Variants in ZNF45 observed in about 807,000 individuals in gnomAD.
The protein encoded by ZNF45 is zinc finger protein 45.
In ZNF45, 4 loss-of-function variants were observed where a neutral mutation model predicts 12.0. The observed-to-expected ratio is 0.33, with a 90% confidence interval of 0.16 to 0.76. The LOEUF is 0.76. ZNF45 is among the 30% of genes least tolerant of loss of function. ZNF45 has a pLI of 0.60. For synonymous variants in ZNF45, 272 were observed against 279.6 expected, an observed-to-expected ratio of 0.97 and a Z score of 0.27; for missense variants, 700 against 813.0, an observed-to-expected ratio of 0.86 and a Z score of 1.69.
intron 8 of ZNF45, 115 bp downstream of exon 8, chr19:43,919,458 A>C (rs1011208037): frequency 1.5e-6 from 2 of 1,299,234 alleles, no homozygotes; most frequent in African/African-American, 3.0e-5. Flanking sequence ...TATCTGTCTT[A>C]TGATGGATGA....
Position 43,914,322 on chromosome 19 carries a change from C to A in ZNF45, c.1114G>T (p.Gly372Cys). The part of the protein sequence containing the change: ...CEECGKGFSV[G>C]SHLQAHQISH... The stretch of plus-strand genomic sequence containing the variant: ...ATCTGATGGGCCTGAAGGTGTGAAC[C>A]CACACTGAAACCTTTCCCACACTCC... The change falls in exon 10 of 10, where the codon GGT (glycine) becomes TGT (cysteine). Residue 372 changes from glycine (G) to cysteine (C), a missense_variant. Coordinates refer to ENST00000269973, the MANE Select transcript of ZNF45 (RefSeq NM_003425.4). 1 of 1,610,696 alleles carries A rather than the reference C, an allele frequency of 6.2e-7. No individual in the cohort carries two copies. Among genetic ancestry groups the A allele is most frequent in the Non-Finnish European group, 8.5e-7 (1 of 1,178,606 alleles).
Position 43,914,948 on chromosome 19 carries a change from G to C in ZNF45, c.488C>G (p.Pro163Arg), listed in dbSNP as rs149724360. ...TTTCACACAATGTTCTCCTTTGTAGGGTTTTTCACCAGTGTGGACTCTGTG... is the reference window on the plus strand; with the variant it reads ...TTTCACACAATGTTCTCCTTTGTAGCGTTTTTCACCAGTGTGGACTCTGTG... ...QVHRVHTGEK[P>R]YKGEHCVKSF... Residue 163 changes from proline (P) to arginine (R), a missense_variant, in exon 10 of 10, where the codon CCC becomes CGC. By Grantham distance (103) the Pro-to-Arg change is moderately radical. Transcript: ENST00000269973. 54 of 1,610,916 alleles carry C rather than the reference G, an allele frequency of 3.4e-5. No individual in the cohort carries two copies. In the African/African-American group the frequency reaches 6.8e-4, roughly 20 times the overall value.
chr19:43,915,433 C>T (rs745468772), intron 9 of ZNF45, among the ~76,000 whole-genome samples: 16 of 152,196 alleles, frequency 1.1e-4, no homozygotes, highest in Non-Finnish European at 2.2e-4. Context: ...GAAGTTTATT[C>T]CAAGGTTGGG....
chr19:43,922,567 C>G (rs1451797178), intron 6 of ZNF45, among the ~76,000 whole-genome samples: 11 of 151,908 alleles, frequency 7.2e-5, no homozygotes, highest in Non-Finnish European at 1.6e-4. Context: ...GAGCCAAATG[C>G]CTAGATTTAT....
In ZNF45 at chr19:43,922,037, G is replaced by A. The variant is rs561023539; in HGVS notation, c.15+134C>T. 70 of 743,594 alleles carry A rather than the reference G, an allele frequency of 9.4e-5. No homozygotes were observed. In the East Asian group the frequency reaches 1.9e-3, roughly 20 times the overall value. 46.1% of individuals were successfully genotyped at this position (743,594 alleles called of 1,614,324 possible). ...TTAAACAACACAAAAGTAAAAAGCAGCAAGCATTTGGCACACAAGAGGTTC... is the reference window on the plus strand; with the variant it reads ...TTAAACAACACAAAAGTAAAAAGCAACAAGCATTTGGCACACAAGAGGTTC... On this transcript the variant is annotated intron_variant, in intron 7 of 9. Coordinates refer to ENST00000269973, the MANE Select transcript of ZNF45 (RefSeq NM_003425.4).
At position 43,914,572 on chromosome 19, in the gene ZNF45, T is replaced by A. The variant is rs1283419327; in HGVS notation, c.864A>T (p.Arg288Ser). 1 of 1,610,548 alleles carries A rather than the reference T, an allele frequency of 6.2e-7. No individual in the cohort carries two copies. The highest frequency in any genetic ancestry group is 8.5e-7 in the Non-Finnish European group (1 of 1,178,286). ...CEECGVGFSQ[R>S]SYLQVHLKVH... Reference sequence around the variant, plus strand: ...CTTTCAGATGAACTTGAAGATATGATCTCTGACTGAAGCCCACCCCACACT... The same window carrying A: ...CTTTCAGATGAACTTGAAGATATGAACTCTGACTGAAGCCCACCCCACACT... Residue 288 changes from arginine (R) to serine (S), a missense_variant, in exon 10 of 10, where the codon AGA (arginine) becomes AGT (serine). By Grantham distance (110) the Arg-to-Ser change is moderately radical. Transcript: ENST00000269973.
At chr19:43,922,150 A>G in intron 7 of ZNF45, 21 bp downstream of exon 7, 1 of 1,609,736 alleles carries the variant, frequency 6.2e-7, no homozygotes, top group Non-Finnish European at 8.5e-7. Context: ...ATTATTACGG[A>G]GAAAGGGAGG....
At chr19:43,917,494 A>T (rs1197532659) in intron 9 of ZNF45, among the ~76,000 whole-genome samples, 1 of 151,414 alleles carries the variant, frequency 6.6e-6, no homozygotes, top group East Asian at 1.9e-4. Context: ...ATTTTTATTT[A>T]TTTTTTTTGA....
At chr19:43,927,095 G>GTC (rs1194126863) in intron 3 of ZNF45, among the ~76,000 whole-genome samples, 1 of 152,130 alleles carries the variant, frequency 6.6e-6, no homozygotes, top group Non-Finnish European at 1.5e-5. Context: ...CCACCTCAGA[G>GTC]TCTCTCTCTA....
intron 7 of ZNF45, among the ~76,000 whole-genome samples, chr19:43,920,549 A>AGGGG: frequency 2.1e-5 from 1 of 47,112 alleles, no homozygotes; most frequent in Non-Finnish European, 4.7e-5. Context: ...GGGGGGGGGC[A>AGGGG]GTGGGCGGTA....
intron 2 of ZNF45, among the ~76,000 whole-genome samples, 173 bp from the exon 3 acceptor site, chr19:43,932,863 A>C (rs999375510): frequency 3.3e-5 from 5 of 152,194 alleles, no homozygotes; most frequent in Admixed American, 2.0e-4. Context: ...GTTACTGTTA[A>C]TATCTATTAT....
chr19:43,913,576 G>A lies in ZNF45; in HGVS notation c.1860C>T (p.Val620=). The A allele has an allele frequency of 6.2e-7, 1 of 1,613,814 alleles. No individual in the cohort carries two copies. The change falls in exon 10 of 10, where the codon GTC becomes GTT. Residue 620 remains valine, a synonymous_variant. Transcript: ENST00000269973. ...RPYKCEECGK[V]FSWSSYLQAH... Reference sequence around the variant, plus strand: ...CTTGAAGGTATGAGCTCCAGCTGAAGACTTTCCCACATTCCTCACATTTGT... The same window carrying A: ...CTTGAAGGTATGAGCTCCAGCTGAAAACTTTCCCACATTCCTCACATTTGT...
At chr19:43,919,035 A>C in intron 8 of ZNF45, 73 bp from the exon 9 acceptor site, 4 of 1,260,484 alleles carry the variant, frequency 3.2e-6, no homozygotes, top group Non-Finnish European at 4.6e-6. Flanking sequence ...TATTGTCCTC[A>C]TTTCATCGTC....
rs1443991660 is a variant in ZNF45, at chr19:43,914,379, T to A, written c.1057A>T (p.Ile353Phe). ...YSSHLNIHCRIHTGEKPYKCE... is the reference protein window; with the variant it reads ...YSSHLNIHCRFHTGEKPYKCE... ...TTATAGGGTTTCTCTCCTGTGTGGA[T>A]TCTACAATGAATATTAAGGTGTGAG... is the stretch of plus-strand genomic sequence containing the variant. The change falls in exon 10 of 10, where the codon ATC becomes TTC. Residue 353 changes from isoleucine to phenylalanine, a missense_variant. Ile to Phe is a conservative substitution (Grantham distance 21). Transcript: ENST00000269973. 17 of 1,611,418 alleles carry A rather than the reference T, an allele frequency of 1.1e-5. No homozygotes were observed. Among genetic ancestry groups the A allele is most frequent in the Non-Finnish European group, 1.4e-5 (16 of 1,178,242 alleles).
intron 3 of ZNF45, among the ~76,000 whole-genome samples, chr19:43,927,492 G>A (rs1973784652): frequency 2.0e-5 from 3 of 152,134 alleles, no homozygotes. Context: ...AGTGAACAAA[G>A]ACCTTGATCT....
chr19:43,927,436 G>T (rs1973774812), intron 3 of ZNF45, among the ~76,000 whole-genome samples: 1 of 152,100 alleles, frequency 6.6e-6, no homozygotes, highest in South Asian at 2.1e-4. Context: ...ATTGTTGAAG[G>T]GTCTACTCTG....
At chr19:43,916,792 C>T (rs1053811907) in intron 9 of ZNF45, among the ~76,000 whole-genome samples, 7 of 152,000 alleles carry the variant, frequency 4.6e-5, no homozygotes, top group African/African-American at 1.7e-4. Context: ...AGCGATTCTT[C>T]TGGGAAGTTT....
chr19:43,927,402 C>T (rs1035446828), intron 3 of ZNF45, among the ~76,000 whole-genome samples: 1 of 152,154 alleles, frequency 6.6e-6, no homozygotes, highest in South Asian at 2.1e-4. Context: ...TTATTTATCA[C>T]CTGAACCATT....
chr19:43,924,720 G>A (rs1973526178), intron 4 of ZNF45, among the ~76,000 whole-genome samples, 159 bp from the exon 5 acceptor site: 1 of 152,172 alleles, frequency 6.6e-6, no homozygotes, highest in African/African-American at 2.4e-5. Flanking sequence ...GAACAGTCTA[G>A]ACTCCAGAAC....
Sources: gnomAD v4.1 joint callset for allele counts (sites outside exome capture counted in the v4.1 genomes callset) on GRCh38, gnomAD v4.1.1 for gene constraint, MANE v1.5 for transcripts, NCBI Gene and HGNC (gene_info 2026-07-23, HGNC 2026-07-21) for gene names.